Variants in MRPL48 observed in about 807,000 individuals in gnomAD.
MRPL48 encodes the protein mitochondrial ribosomal protein L48, also known as large ribosomal subunit protein mL48.
A neutral mutation model predicts 32.9 loss-of-function variants in MRPL48; 16 were observed. That is an observed-to-expected ratio of 0.49 (90% CI 0.33 to 0.74). MRPL48 has a LOEUF of 0.74. Ranked by LOEUF, MRPL48 falls within the 30% of genes least tolerant of loss-of-function variation. MRPL48 has a pLI of 0.02. For synonymous variants in MRPL48, 94 were observed against 89.2 expected (o/e 1.05, Z -0.31); for missense variants, 206 against 245.3 (o/e 0.84, Z 1.07).
chr11:73,793,894 C>T (rs375138733), intron 1 of MRPL48, among the ~76,000 whole-genome samples: 66 of 135,776 alleles, frequency 4.9e-4, no homozygotes, highest in African/African-American at 1.7e-3. Context: ...TTCTGGAGAA[C>T]AGGGTCTCGC....
At chr11:73,844,765 G>A (rs1948256041) in intron 4 of MRPL48, 42 bp from the exon 5 acceptor site, 1 of 1,562,962 alleles carries the variant, frequency 6.4e-7, no homozygotes, top group African/African-American at 1.4e-5. Flanking sequence ...AGAATTTCTT[G>A]TATAATACTT....
chr11:73,819,548 C>T (rs2134996739), intron 3 of MRPL48, among the ~76,000 whole-genome samples: 1 of 152,308 alleles, frequency 6.6e-6, no homozygotes, highest in South Asian at 2.1e-4. Flanking sequence ...CTAAGAATTT[C>T]AAACTTTGGG....
In MRPL48 at chr11:73,862,105, T is replaced by C. The variant is rs1005295836; in HGVS notation, c.475-1067T>C. ...GAGTTTGAGACCAGCCTGGCCAACATGGTGAAACCCTGGCTCTACTAAAAA... is the reference window on the plus strand; with the variant it reads ...GAGTTTGAGACCAGCCTGGCCAACACGGTGAAACCCTGGCTCTACTAAAAA... On this transcript the variant is annotated intron_variant, in intron 6 of 7. Coordinates refer to ENST00000310614, the MANE Select transcript of MRPL48 (RefSeq NM_016055.6). Among the ~76,000 whole-genome samples the C allele has an allele frequency of 9.9e-5, 15 of 152,176 alleles. No homozygotes were observed. In the South Asian group the frequency reaches 2.3e-3, roughly 23 times the overall value.
chr11:73,791,381 T>C (rs1947149531), intron 1 of MRPL48, among the ~76,000 whole-genome samples: 1 of 152,100 alleles, frequency 6.6e-6, no homozygotes, highest in Admixed American at 6.6e-5. Context: ...GCTTTCCTCA[T>C]TAGAAGTTTT....
intron 4 of MRPL48, among the ~76,000 whole-genome samples, chr11:73,829,496 C>T (rs1196704605): frequency 6.6e-6 from 1 of 151,808 alleles, no homozygotes; most frequent in Non-Finnish European, 1.5e-5. Context: ...TTCTCAGTAG[C>T]TGGGACTACT....
intron 3 of MRPL48, among the ~76,000 whole-genome samples, chr11:73,810,789 T>C (rs1390123854): frequency 3.9e-5 from 6 of 151,912 alleles, no homozygotes; most frequent in South Asian, 2.1e-4. Flanking sequence ...CTCCCACTTA[T>C]GAGTGAGAAC....
At chr11:73,844,057 C>T (rs1643318397) in intron 4 of MRPL48, among the ~76,000 whole-genome samples, 1 of 148,924 alleles carries the variant, frequency 6.7e-6, no homozygotes, top group South Asian at 2.1e-4. Context: ...CCAGCCTGGG[C>T]GACAAGAGTG....
chr11:73,803,856 G>T (rs1404382076), intron 1 of MRPL48, among the ~76,000 whole-genome samples: 2 of 151,890 alleles, frequency 1.3e-5, no homozygotes, highest in East Asian at 1.9e-4. Context: ...CATTATATTT[G>T]TTTTTTTGTT....
intron 3 of MRPL48, among the ~76,000 whole-genome samples, chr11:73,814,273 C>A (rs34233507): frequency 3.4e-4 from 51 of 151,486 alleles, no homozygotes; most frequent in Non-Finnish European, 7.1e-4. Flanking sequence ...GCCTGTGGTC[C>A]CAGCTACTCA....
intron 1 of MRPL48, among the ~76,000 whole-genome samples, chr11:73,796,401 GC>G (rs1358110784): frequency 6.6e-6 from 1 of 152,244 alleles, no homozygotes; most frequent in Admixed American, 6.5e-5. Context: ...TCGCAGCCTG[GC>G]CAGGTGTACA....
chr11:73,791,136 G>C (rs1041565363), intron 1 of MRPL48, among the ~76,000 whole-genome samples: 17 of 150,472 alleles, frequency 1.1e-4, no homozygotes, highest in African/African-American at 3.9e-4. Flanking sequence ...TCTGCCGCCT[G>C]GGCCTCTCAA....
intron 3 of MRPL48, among the ~76,000 whole-genome samples, chr11:73,809,941 G>A (rs1384330526): frequency 6.6e-6 from 1 of 152,112 alleles, no homozygotes; most frequent in African/African-American, 2.4e-5. Context: ...TGGGCCCAAA[G>A]CCTAACATCT....
In MRPL48 at chr11:73,823,802, C is replaced by T. The variant is rs1947830672; in HGVS notation, c.113-1906C>T. Among the ~76,000 whole-genome samples, 4 of 151,594 alleles carry T rather than the reference C, an allele frequency of 2.6e-5. No homozygotes were observed. The South Asian group carries it at 8.4e-4, about 32-fold the overall frequency. On this transcript the variant is annotated intron_variant, in intron 3 of 7. Transcript: ENST00000310614. ...CCTCCTGAGTAGCTGGGACTACAGA[C>T]ACATGCTACCACTATGGCTACCTGG...
Position 73,808,329 on chromosome 11 carries a change from G to A in MRPL48, c.91G>A (p.Glu31Lys). ...FSLLRFRTSGEKPIYSVGGIL... is the reference protein window; with the variant it reads ...FSLLRFRTSGKKPIYSVGGIL... ...TCCTTTTAGGTTTAGAACTTCAGGA[G>A]AGAAGCCCATCTATTCTGTAGGTAA... Residue 31 changes from glutamate to lysine, a missense_variant, in exon 3 of 8, where the codon GAG becomes AAG. Transcript: ENST00000310614. 1.2e-6 allele frequency: 2 copies of A among 1,608,694 alleles called. No homozygotes were observed. The highest frequency in any genetic ancestry group is 1.1e-5 in the South Asian group (1 of 89,914).
intron 5 of MRPL48, chr11:73,850,357 T>G (rs1948366362): frequency 6.5e-6 from 1 of 152,750 alleles, no homozygotes; most frequent in Non-Finnish European, 1.4e-5. Context: ...GGTCTTGGAC[T>G]GTTGTTGGCT....
At chr11:73,791,413 C>CT (rs71469472) in intron 1 of MRPL48, among the ~76,000 whole-genome samples, 5 of 150,764 alleles carry the variant, frequency 3.3e-5, no homozygotes, top group South Asian at 2.1e-4. Context: ...ACTATATTTT[C>CT]TTTTTTTTTA....
At chr11:73,791,333 A>G (rs2134922660) in intron 1 of MRPL48, among the ~76,000 whole-genome samples, 1 of 152,220 alleles carries the variant, frequency 6.6e-6, no homozygotes, top group East Asian at 1.9e-4. Context: ...AGCCCATTAT[A>G]CTGATCTAAC....
At chr11:73,833,300 G>T (rs1018178050) in intron 4 of MRPL48, among the ~76,000 whole-genome samples, 2 of 151,938 alleles carry the variant, frequency 1.3e-5, no homozygotes, top group Non-Finnish European at 1.5e-5. Flanking sequence ...AGTGACTCAC[G>T]TGAAGACCTG....
intron 3 of MRPL48, among the ~76,000 whole-genome samples, chr11:73,810,107 G>A (rs1297348736): frequency 6.6e-6 from 1 of 152,130 alleles, no homozygotes; most frequent in African/African-American, 2.4e-5. Context: ...ATAATACAAT[G>A]AACATTTCTT....
Sources: allele counts gnomAD v4.1 joint callset (sites outside exome capture counted in the v4.1 genomes callset), GRCh38; gene constraint gnomAD v4.1.1; transcripts MANE v1.5; gene names NCBI Gene and HGNC (gene_info 2026-07-23, HGNC 2026-07-21).